NOX4: variants seen among roughly 807,000 people sequenced by gnomAD.
NOX4 encodes the protein kidney oxidase-1.
A neutral mutation model predicts 87.6 loss-of-function variants in NOX4; 69 were observed. The ratio of observed to expected loss-of-function variants is 0.79; its 90% CI spans 0.65 to 0.96. The LOEUF (loss-of-function observed/expected upper bound fraction) is 0.96, where lower values mean the gene tolerates loss of function less well. Ranked by LOEUF, NOX4 falls within the 40% of genes least tolerant of loss-of-function variation. NOX4 has a pLI of 0.00. For synonymous variants in NOX4, 275 were observed against 238.2 expected (o/e 1.15, Z -1.42); for missense variants, 680 against 681.5 (o/e 1.00, Z 0.02).
At position 89,452,403 on chromosome 11, in the gene NOX4, C is replaced by T. The variant is rs186263272; in HGVS notation, c.154-508G>A. Among the ~76,000 whole-genome samples the T allele has an allele frequency of 4.6e-5, 7 of 152,254 alleles. No individual in the cohort carries two copies. The East Asian group carries it at 1.4e-3, about 29-fold the overall frequency. On this transcript the variant is annotated intron_variant, in intron 2 of 17. Transcript: ENST00000263317. ...AGCTCTGCTTATCACTAACTCTACT[C>T]ATCTTTCTGGTCACATAGTAAGCAC...
At chr11:89,480,715 A>G (rs572397124) in intron 2 of NOX4, among the ~76,000 whole-genome samples, 5 of 152,276 alleles carry the variant, frequency 3.3e-5, no homozygotes, top group African/African-American at 1.2e-4. Flanking sequence ...AGCAAAGAAC[A>G]TAACAGGAAC....
At chr11:89,474,043 C>T (rs747929623) in intron 2 of NOX4, among the ~76,000 whole-genome samples, 2 of 152,138 alleles carry the variant, frequency 1.3e-5, no homozygotes, top group Non-Finnish European at 2.9e-5. Flanking sequence ...AATTGGCCAA[C>T]ATGCAGTGGA....
At chr11:89,579,406 A>G in the NOX4 span, among the ~76,000 whole-genome samples, 1 of 152,160 alleles carries the variant, frequency 6.6e-6, no homozygotes, top group Admixed American at 6.5e-5. Context: ...ATGTGTGGGG[A>G]CAGAGAGTGT....
intron 2 of NOX4, among the ~76,000 whole-genome samples, chr11:89,459,593 A>G (rs562078936): frequency 6.6e-6 from 1 of 152,136 alleles, no homozygotes; most frequent in African/African-American, 2.4e-5. Flanking sequence ...CTAGGAATCC[A>G]ACTTACAAGG....
At chr11:89,389,647 A>C (rs1336458886) in intron 11 of NOX4, among the ~76,000 whole-genome samples, 1 of 152,160 alleles carries the variant, frequency 6.6e-6, no homozygotes, top group Non-Finnish European at 1.5e-5. Flanking sequence ...TCAGTTCGAA[A>C]TGGTAATTTT....
chr11:89,568,010 T>C, the NOX4 span, among the ~76,000 whole-genome samples: 6 of 152,188 alleles, frequency 3.9e-5, no homozygotes, highest in African/African-American at 1.4e-4. Context: ...TACTGGTGCT[T>C]GTGGACTGGG....
rs1312823858 is a variant in NOX4 at position 89,324,495 on chromosome 11, CTA to C, written c.*2259_*2260del. Reference sequence around the variant, plus strand: ...GAAGCCCTGCAGAAGCAAAGATGACCTATGTTTAACATTTAACATTTGAACAC... The same window carrying C: ...GAAGCCCTGCAGAAGCAAAGATGACCTGTTTAACATTTAACATTTGAACAC... On this transcript the variant is annotated 3_prime_UTR_variant, in exon 18 of 18. Coordinates refer to ENST00000263317, the MANE Select transcript of NOX4 (RefSeq NM_016931.5). 1 of 152,094 alleles carries C rather than the reference CTA, an allele frequency of 6.6e-6. No homozygotes were observed. 9.4% of individuals were successfully genotyped at this position (152,094 alleles called of 1,614,324 possible). A position where few individuals can be genotyped will look rare whatever the true frequency, so the allele number is the denominator to read the frequency against.
chr11:89,551,855 T>C, the NOX4 span, among the ~76,000 whole-genome samples: 1 of 152,252 alleles, frequency 6.6e-6, no homozygotes, highest in African/African-American at 2.4e-5. Context: ...AGAGAGGGCA[T>C]CCTTGTCTTG....
intron 2 of NOX4, among the ~76,000 whole-genome samples, chr11:89,455,000 G>A (rs1158638412): frequency 6.6e-6 from 1 of 151,974 alleles, no homozygotes; most frequent in African/African-American, 2.4e-5. Flanking sequence ...TGTACTGAAG[G>A]ATACGGAAGG....
the NOX4 span, among the ~76,000 whole-genome samples, chr11:89,573,895 G>T: frequency 6.6e-6 from 1 of 152,074 alleles, no homozygotes; most frequent in African/African-American, 2.4e-5. Flanking sequence ...AAGTGAGCAC[G>T]TGCACTGTCT....
intron 2 of NOX4, among the ~76,000 whole-genome samples, chr11:89,454,836 G>T (rs1414093685): frequency 6.6e-6 from 1 of 152,008 alleles, no homozygotes; most frequent in Non-Finnish European, 1.5e-5. Flanking sequence ...CAAAAACCTT[G>T]TAAAGTAAGA....
At chr11:89,570,539 A>T in the NOX4 span, among the ~76,000 whole-genome samples, 1 of 152,226 alleles carries the variant, frequency 6.6e-6, no homozygotes, top group African/African-American at 2.4e-5. Context: ...ATATATATGT[A>T]TGTATTTTTA....
chr11:89,438,468 ATT>A (rs1944210980), intron 6 of NOX4, among the ~76,000 whole-genome samples: 1 of 83,280 alleles, frequency 1.2e-5, no homozygotes, highest in Non-Finnish European at 1.9e-5. Flanking sequence ...CAGCATATAT[ATT>A]ATATACTATA....
In NOX4 at chr11:89,338,351, T is replaced by C. The variant is rs1338367316; in HGVS notation, c.1447-836A>G. Reference sequence around the variant, plus strand: ...CTTCCTTTTTAAGGCTGAATAGTTATGCATTGTATGTGTATATCATAATTT... The same window carrying C: ...CTTCCTTTTTAAGGCTGAATAGTTACGCATTGTATGTGTATATCATAATTT... On this transcript the variant is annotated intron_variant, in intron 15 of 17. Transcript: ENST00000263317. 5.3e-5 allele frequency among the ~76,000 whole-genome samples: 8 copies of C among 152,136 alleles called. No individual in the cohort carries two copies. In the South Asian group the frequency reaches 1.4e-3, roughly 28 times the overall value.
the NOX4 span, among the ~76,000 whole-genome samples, chr11:89,575,656 TTC>T: frequency 6.6e-6 from 1 of 152,108 alleles, no homozygotes; most frequent in East Asian, 1.9e-4. Context: ...CCCTTTTTGT[TTC>T]TGTTTTTTAC....
chr11:89,353,956 C>G (rs1047620439), intron 13 of NOX4, among the ~76,000 whole-genome samples: 1 of 152,044 alleles, frequency 6.6e-6, no homozygotes, highest in Non-Finnish European at 1.5e-5. Flanking sequence ...AAAAATTAAG[C>G]CTGGATTAAA....
the NOX4 span, among the ~76,000 whole-genome samples, chr11:89,565,085 C>T: frequency 7.0e-4 from 106 of 152,166 alleles, 1 homozygote; most frequent in Non-Finnish European, 1.1e-3. Context: ...ACATATAGCT[C>T]AATTTGAGGA....
the NOX4 span, among the ~76,000 whole-genome samples, chr11:89,506,288 A>G: frequency 3.8e-5 from 3 of 79,704 alleles, no homozygotes; most frequent in Admixed American, 1.5e-4. Context: ...AGAAAGGAAG[A>G]AAGAAAGAAA....
intron 8 of NOX4, among the ~76,000 whole-genome samples, chr11:89,420,903 G>C (rs1943048933): frequency 6.6e-6 from 1 of 152,108 alleles, no homozygotes; most frequent in Non-Finnish European, 1.5e-5. Flanking sequence ...GCCTCCTTGT[G>C]TACAGTGTGT....
Sources: allele counts gnomAD v4.1 joint callset (sites outside exome capture counted in the v4.1 genomes callset), GRCh38; gene constraint gnomAD v4.1.1; transcripts MANE v1.5; gene names NCBI Gene and HGNC (gene_info 2026-07-23, HGNC 2026-07-21).